PALLD: variants seen among roughly 807,000 people sequenced by gnomAD.
The protein encoded by PALLD is palladin, cytoskeletal associated protein.
PALLD carries 61 observed loss-of-function variants against 123.5 expected under a neutral mutation model. The observed-to-expected ratio is 0.49, with a 90% CI of 0.40 to 0.61. The LOEUF (loss-of-function observed/expected upper bound fraction) is 0.61. Among genes scored for constraint, PALLD ranks in the 20% least tolerant of loss-of-function variants. The probability of loss-of-function intolerance (pLI) is 0.00; values close to 1 mark genes in which losing one functional copy is unlikely to be tolerated. For synonymous variants in PALLD, 465 were observed against 496.4 expected (o/e 0.94, Z 0.84); for missense variants, 1,273 against 1,377.0 (o/e 0.92, Z 1.20).
intron 2 of PALLD, among the ~76,000 whole-genome samples, chr4:168,600,127 A>G (rs1173711435): frequency 2.7e-5 from 4 of 149,962 alleles, no homozygotes; most frequent in Admixed American, 6.6e-5. Context: ...ATACATGTGT[A>G]TACACACATA....
intron 10 of PALLD, among the ~76,000 whole-genome samples, chr4:168,825,271 C>G (rs1743268371): frequency 6.6e-6 from 1 of 152,158 alleles, no homozygotes; most frequent in Admixed American, 6.6e-5. Flanking sequence ...TATTCTCTCT[C>G]TTCTCTCTCT....
chr4:168,711,473 TAAC>T (rs776297071), intron 9 of PALLD, 105 bp from the exon 10 acceptor site: 21 of 848,876 alleles, frequency 2.5e-5, no homozygotes, highest in Non-Finnish European at 4.0e-5. Context: ...ACCTCTTCTT[TAAC>T]AACTTCACAC....
At chr4:168,762,426 T>C (rs7669960) in intron 10 of PALLD, among the ~76,000 whole-genome samples, 2,256 of 152,266 alleles carry the variant, frequency 0.015, 49 homozygotes, top group African/African-American at 0.051. Context: ...TGAGCCAAGA[T>C]TGTGCCTGTG....
intron 8 of PALLD, among the ~76,000 whole-genome samples, chr4:168,695,330 G>A (rs1783037907): frequency 6.6e-6 from 1 of 152,216 alleles, no homozygotes; most frequent in Admixed American, 6.5e-5. Flanking sequence ...GCATGTTCTA[G>A]GTTAGGACGG....
At chr4:168,540,356 T>C (rs1561225500) in intron 2 of PALLD, among the ~76,000 whole-genome samples, 1 of 152,304 alleles carries the variant, frequency 6.6e-6, no homozygotes, top group African/African-American at 2.4e-5. Context: ...TTCATTTGAT[T>C]TGTGCCTGTT....
chr4:168,686,033 T>C (rs5021491), intron 6 of PALLD, among the ~76,000 whole-genome samples: 2,438 of 152,184 alleles, frequency 0.016, 56 homozygotes, highest in African/African-American at 0.056. Context: ...TCCTTCCTTT[T>C]TTTTAGAGAA....
chr4:168,513,496 T>G (rs1762718827), intron 2 of PALLD, among the ~76,000 whole-genome samples: 1 of 152,174 alleles, frequency 6.6e-6, no homozygotes, highest in African/African-American at 2.4e-5. Flanking sequence ...CAGTCATGAT[T>G]CCATTGCCCA....
intron 2 of PALLD, among the ~76,000 whole-genome samples, chr4:168,634,892 G>A (rs1415728530): frequency 6.6e-6 from 1 of 151,930 alleles, no homozygotes; most frequent in Non-Finnish European, 1.5e-5. Context: ...TGCTCTGAGC[G>A]AAGAGCTGTA....
intron 10 of PALLD, among the ~76,000 whole-genome samples, chr4:168,882,339 G>A (rs1205327118): frequency 6.6e-6 from 1 of 152,174 alleles, no homozygotes; most frequent in Non-Finnish European, 1.5e-5. Flanking sequence ...CGTGACTTAG[G>A]TTCATCTCAA....
chr4:168,582,991 G>C (rs528532054), intron 2 of PALLD, among the ~76,000 whole-genome samples: 1 of 152,246 alleles, frequency 6.6e-6, no homozygotes, highest in South Asian at 2.1e-4. Context: ...GAAATTATTA[G>C]AGTTGATAAT....
intron 10 of PALLD, among the ~76,000 whole-genome samples, chr4:168,780,586 T>G (rs1181397565): frequency 6.6e-6 from 1 of 152,220 alleles, no homozygotes; most frequent in Admixed American, 6.5e-5. Flanking sequence ...TGTAGCCAGT[T>G]GTTATGAAAG....
intron 10 of PALLD, among the ~76,000 whole-genome samples, chr4:168,794,515 C>CACACACAA (rs1738196951): frequency 6.8e-6 from 1 of 148,092 alleles, no homozygotes; most frequent in Non-Finnish European, 1.5e-5. Context: ...CGCACACACA[C>CACACACAA]ACACACACAC....
intron 10 of PALLD, among the ~76,000 whole-genome samples, chr4:168,819,969 A>C (rs763448965): frequency 6.6e-6 from 1 of 152,210 alleles, no homozygotes; most frequent in Non-Finnish European, 1.5e-5. Context: ...TAGTAGTTAA[A>C]TCCTTAATGG....
At chr4:168,881,080 T>C (rs1054121979) in intron 10 of PALLD, among the ~76,000 whole-genome samples, 1 of 152,106 alleles carries the variant, frequency 6.6e-6, no homozygotes, top group African/African-American at 2.4e-5. Context: ...AGTTTTTGTA[T>C]TTTTAGTAGA....
intron 2 of PALLD, among the ~76,000 whole-genome samples, chr4:168,639,544 C>CTT (rs35142519): frequency 1.2e-4 from 17 of 141,144 alleles, no homozygotes; most frequent in South Asian, 2.3e-4. Flanking sequence ...GGCCATTCAA[C>CTT]TTTTTTTTTT....
At chr4:168,599,286 T>G (rs959984951) in intron 2 of PALLD, among the ~76,000 whole-genome samples, 10 of 152,200 alleles carry the variant, frequency 6.6e-5, no homozygotes, top group Non-Finnish European at 1.5e-4. Flanking sequence ...ACAAGTAAGA[T>G]TTGAGGTTCA....
At chr4:168,618,875 C>T (rs1449770444) in intron 2 of PALLD, among the ~76,000 whole-genome samples, 2 of 152,230 alleles carry the variant, frequency 1.3e-5, no homozygotes, top group African/African-American at 2.4e-5. Flanking sequence ...CCTTATAAAT[C>T]CCAGTACAGT....
chr4:168,571,928 A>AT (rs1223721928), intron 2 of PALLD, among the ~76,000 whole-genome samples: 5 of 152,090 alleles, frequency 3.3e-5, no homozygotes, highest in African/African-American at 1.2e-4. Context: ...GAGTTACAGC[A>AT]TTTTTTATCA....
intron 10 of PALLD, among the ~76,000 whole-genome samples, chr4:168,888,758 G>A (rs1293570619): frequency 3.3e-5 from 5 of 151,348 alleles, no homozygotes; most frequent in Non-Finnish European, 1.5e-5. Context: ...ATTACCCCCT[G>A]AGTCTGGGGA....
Sources: gnomAD v4.1 joint callset for allele counts (sites outside exome capture counted in the v4.1 genomes callset) on GRCh38, gnomAD v4.1.1 for gene constraint, MANE v1.5 for transcripts, NCBI Gene and HGNC (gene_info 2026-07-23, HGNC 2026-07-21) for gene names.